The following BEAN1 variants were observed in gnomAD, a reference collection of about 807,000 sequenced individuals.
BEAN1 encodes the protein brain expressed associated with NEDD4 1.
BEAN1 carries 17 observed loss-of-function variants against 17.7 expected under a neutral mutation model. The observed-to-expected ratio is 0.96, with a 90% CI of 0.66 to 1.44. The LOEUF (loss-of-function observed/expected upper bound fraction) is 1.44. Ranked by LOEUF, BEAN1 falls within the 40% of genes most tolerant of loss-of-function variation. The probability of loss-of-function intolerance (pLI) is 0.00; values close to 1 mark genes in which losing one functional copy is unlikely to be tolerated. For missense variants in BEAN1, 359 were observed against 374.1 expected, an observed-to-expected ratio of 0.96 and a Z score of 0.33; for synonymous variants, 142 against 151.8, an observed-to-expected ratio of 0.94 and a Z score of 0.47.
chr16:66,489,976 G>T (rs116004722), intron 4 of BEAN1, among the ~76,000 whole-genome samples: 4 of 151,946 alleles, frequency 2.6e-5, no homozygotes, highest in African/African-American at 9.7e-5. Flanking sequence ...CAGCTGTGAC[G>T]AGCCCAGGTC....
intron 2 of BEAN1, among the ~76,000 whole-genome samples, chr16:66,446,231 C>T (rs56143560): frequency 0.012 from 1,874 of 151,864 alleles, 22 homozygotes; most frequent in Non-Finnish European, 0.02. Flanking sequence ...TAGGTGATGA[C>T]AATGGTACCT....
At chr16:66,466,600 T>C (rs548743816) in intron 2 of BEAN1, among the ~76,000 whole-genome samples, 225 of 152,302 alleles carry the variant, frequency 1.5e-3, no homozygotes, top group African/African-American at 5.1e-3. Context: ...AGTTTTGCTC[T>C]TGTTGCCCAG....
At chr16:66,476,981 G>A (rs1334633278) in intron 3 of BEAN1, among the ~76,000 whole-genome samples, 1 of 152,082 alleles carries the variant, frequency 6.6e-6, no homozygotes, top group Admixed American at 6.6e-5. Flanking sequence ...TGGGAGGGCT[G>A]ATCCCAGAGT....
Position 66,469,950 on chromosome 16 carries a change from C to T in BEAN1, c.289+85C>T, listed in dbSNP as rs1963413000. The T allele has an allele frequency of 2.3e-5, 34 of 1,471,680 alleles. No individual in the cohort carries two copies. The South Asian group carries it at 4.5e-4, about 19-fold the overall frequency. 91.2% of individuals were successfully genotyped at this position (1,471,680 alleles called of 1,614,324 possible). A position where few individuals can be genotyped will look rare whatever the true frequency, so the allele number is the denominator to read the frequency against. On this transcript the variant is annotated intron_variant, in intron 3 of 4. Transcript: ENST00000536005. ...AGGCATCAAGGAGTTGGCAACTCTG[C>T]CCTGGGTGGAGCAGGGTGGTCGGGA...
rs1962134519 is a variant in BEAN1, at chr16:66,438,804, G to C, written c.25+1103G>C. Among the ~76,000 whole-genome samples the C allele has an allele frequency of 2.6e-5, 4 of 151,736 alleles. No individual in the cohort carries two copies. The South Asian group carries it at 8.4e-4, about 32-fold the overall frequency. On this transcript the variant is annotated intron_variant, in intron 2 of 4. Coordinates refer to ENST00000536005, the MANE Select transcript of BEAN1 (RefSeq NM_001178020.3). ...TGCTTTCTTCCATGATGTTCCCTGA[G>C]CCCCCCCCAAACCACCACCACTCGC... is the stretch of plus-strand genomic sequence containing the variant.
At chr16:66,435,086 G>A (rs940312166) in intron 1 of BEAN1, among the ~76,000 whole-genome samples, 24 of 152,086 alleles carry the variant, frequency 1.6e-4, no homozygotes, top group African/African-American at 5.1e-4. Context: ...CAGCTACATA[G>A]GAGTTTGCCA....
intron 3 of BEAN1, chr16:66,475,988 TAGTCCC>T (rs1963724996): frequency 6.6e-6 from 1 of 151,904 alleles, no homozygotes; most frequent in South Asian, 2.1e-4. Context: ...CGGGTGCCTG[TAGTCCC>T]AGCTACTCGG....
chr16:66,444,106 G>C (rs1404140275), intron 2 of BEAN1, among the ~76,000 whole-genome samples: 1 of 152,232 alleles, frequency 6.6e-6, no homozygotes, highest in Non-Finnish European at 1.5e-5. Flanking sequence ...TGCTGGCAAA[G>C]TGCTTGCATT....
intron 1 of BEAN1, among the ~76,000 whole-genome samples, chr16:66,436,227 C>A (rs1567481653): frequency 1.3e-5 from 2 of 151,312 alleles, no homozygotes; most frequent in Non-Finnish European, 2.9e-5. Flanking sequence ...CAATTCAGAT[C>A]TTCAGCAACA....
At position 66,439,830 on chromosome 16, in the gene BEAN1, A is replaced by G. The variant is rs144375379; in HGVS notation, c.25+2129A>G. ...CCAGATCCCTCCATGACTTTGACCC[A>G]GACATATCTCTGAGACAAAGGGGTC... On this transcript the variant is annotated intron_variant, in intron 2 of 4. Coordinates refer to ENST00000536005, the MANE Select transcript of BEAN1 (RefSeq NM_001178020.3). 6.2e-3 allele frequency among the ~76,000 whole-genome samples: 950 copies of G among 152,294 alleles called. 25 individuals are homozygous for G. Among genetic ancestry groups the G allele is most frequent in the East Asian group, 0.025 (132 of 5,180 alleles).
chr16:66,430,585 T>C (rs1961759294), intron 1 of BEAN1, among the ~76,000 whole-genome samples: 3 of 152,250 alleles, frequency 2.0e-5, no homozygotes, highest in African/African-American at 7.2e-5. Context: ...AAAAAGAATA[T>C]GTTAATTGTC....
intron 4 of BEAN1, 80 bp from the exon 5 acceptor site, chr16:66,480,506 G>A (rs766071627): frequency 8.5e-7 from 1 of 1,169,982 alleles, no homozygotes; most frequent in Non-Finnish European, 1.2e-6. Context: ...GCTTGTCACT[G>A]CAGATAGACC....
rs921331374 is a variant in BEAN1, at chr16:66,427,614, C to G, written c.-83+183C>G. 2.6e-5 allele frequency: 4 copies of G among 152,086 alleles called. No individual in the cohort carries two copies. The highest frequency in any genetic ancestry group is 9.7e-5 in the African/African-American group (4 of 41,436). 9.4% of individuals were successfully genotyped at this position (152,086 alleles called of 1,614,324 possible). On this transcript the variant is annotated intron_variant, in intron 1 of 4. Transcript: ENST00000536005. The surrounding 1 kb of genome is among the most constrained non-coding windows in gnomAD (Gnocchi z 4.7). Reference sequence around the variant, plus strand: ...GAACCGCAGCGCGCTCGGAACGGAGCGGGATCCCGGGTCTCCCGCGGACCC... The same window carrying G: ...GAACCGCAGCGCGCTCGGAACGGAGGGGGATCCCGGGTCTCCCGCGGACCC...
At chr16:66,488,518 CAAAAAAAAAA>C (rs35976761) in intron 4 of BEAN1, among the ~76,000 whole-genome samples, 1 of 49,242 alleles carries the variant, frequency 2.0e-5, no homozygotes, top group South Asian at 7.5e-4. Flanking sequence ...TTATCACTAC[CAAAAAAAAAA>C]AAAAAAAAAA....
At chr16:66,483,190 C>G (rs939261007), downstream of BEAN1, 3 of 227,632 alleles carry the variant, frequency 1.3e-5, no homozygotes, top group African/African-American at 4.7e-5. Flanking sequence ...TGAAAATACA[C>G]CTCCGGCTAG....
Position 66,482,643 on chromosome 16 carries a change from T to A in BEAN1, c.*1718T>A, listed in dbSNP as rs899018367. On this transcript the variant is annotated 3_prime_UTR_variant, in exon 5 of 5. Transcript: ENST00000536005. Reference sequence around the variant, plus strand: ...ACTCTTTTAAGAAACACATCCTGCTTCTGCAATTCCAGAGAGTGCTGGGGG... The same window carrying A: ...ACTCTTTTAAGAAACACATCCTGCTACTGCAATTCCAGAGAGTGCTGGGGG... The A allele has an allele frequency of 8.3e-6, 3 of 359,790 alleles. No individual in the cohort carries two copies. The highest frequency in any genetic ancestry group is 6.4e-5 in the African/African-American group (3 of 46,746). 22.3% of individuals were successfully genotyped at this position (359,790 alleles called of 1,614,324 possible). A position where few individuals can be genotyped will look rare whatever the true frequency, so the allele number is the denominator to read the frequency against.
chr16:66,480,990 G>A lies in BEAN1; in HGVS notation c.*65G>A, dbSNP rs1963967736. The A allele has an allele frequency of 7.7e-7, 1 of 1,292,590 alleles. No individual in the cohort carries two copies. Among genetic ancestry groups the A allele is most frequent in the Non-Finnish European group, 1.0e-6 (1 of 968,202 alleles). The allele number at this position is 1,292,590 out of a possible 1,614,324, so 80.1% of individuals were successfully genotyped here. On this transcript the variant is annotated 3_prime_UTR_variant, in exon 5 of 5. Coordinates refer to ENST00000536005, the MANE Select transcript of BEAN1 (RefSeq NM_001178020.3). Reference sequence around the variant, plus strand: ...GAACCACATTCTTTAGGCACACAAAGGCGTGCACACACACACAGAGATGCA... The same window carrying A: ...GAACCACATTCTTTAGGCACACAAAAGCGTGCACACACACACAGAGATGCA...
intron 2 of BEAN1, among the ~76,000 whole-genome samples, chr16:66,467,139 AT>A (rs1390261568): frequency 1.3e-5 from 2 of 152,202 alleles, no homozygotes; most frequent in Admixed American, 6.5e-5. Flanking sequence ...ATAACCTATA[AT>A]TTGTGCAATA....
At chr16:66,466,665 A>G (rs1187061073) in intron 2 of BEAN1, among the ~76,000 whole-genome samples, 3 of 152,166 alleles carry the variant, frequency 2.0e-5, no homozygotes. Flanking sequence ...TCCCAGGTTC[A>G]AGTGATTCTC....
Sources: gnomAD v4.1 joint callset for allele counts (sites outside exome capture counted in the v4.1 genomes callset) on GRCh38, gnomAD v4.1.1 for gene constraint, Gnocchi (gnomAD v3.1) non-coding constraint, MANE v1.5 for transcripts, NCBI Gene and HGNC (gene_info 2026-07-23, HGNC 2026-07-21) for gene names.